The following POU2F2 variants were observed in gnomAD, a reference collection of about 807,000 sequenced individuals.
The protein encoded by POU2F2 is POU domain, class 2, transcription factor 2.
Under a neutral mutation model 63.5 loss-of-function variants are expected in POU2F2, and 14 were observed. That is an observed-to-expected ratio of 0.22 (90% confidence interval 0.15 to 0.34). The LOEUF (loss-of-function observed/expected upper bound fraction) is 0.34. POU2F2 is among the 10% of genes least tolerant of loss of function. The pLI, the probability that POU2F2 is intolerant of heterozygous loss-of-function variation, is 1.00. For missense variants in POU2F2, 607 were observed against 815.2 expected, an observed-to-expected ratio of 0.74 and a Z score of 3.11; for synonymous variants, 306 against 348.6, an observed-to-expected ratio of 0.88 and a Z score of 1.36.
At chr19:42,159,916 G>A (rs1186514673) in intron 2 of POU2F2, among the ~76,000 whole-genome samples, 1 of 152,146 alleles carries the variant, frequency 6.6e-6, no homozygotes, top group Non-Finnish European at 1.5e-5. Context: ...TTGCTCTCAG[G>A]ATGGCACTTA....
chr19:42,127,340 A>G (rs2033297460), intron 1 of POU2F2, among the ~76,000 whole-genome samples: 3 of 146,792 alleles, frequency 2.0e-5, no homozygotes, highest in African/African-American at 7.6e-5. Flanking sequence ...CCACCTGGCG[A>G]CCCCCGGACT....
chr19:42,184,731 C>T (rs888470004), intron 1 of POU2F2, among the ~76,000 whole-genome samples: 2 of 152,140 alleles, frequency 1.3e-5, no homozygotes, highest in Admixed American at 6.5e-5. Context: ...TTTCAAAATC[C>T]TCTTGGCATC....
At chr19:42,159,579 C>A (rs968072882) in intron 2 of POU2F2, among the ~76,000 whole-genome samples, 1 of 152,168 alleles carries the variant, frequency 6.6e-6, no homozygotes, top group African/African-American at 2.4e-5. Flanking sequence ...AGGGCCTCAC[C>A]AAGCAAGCTG....
intron 4 of POU2F2, among the ~76,000 whole-genome samples, chr19:42,121,709 C>T (rs1013081455): frequency 1.3e-5 from 2 of 152,204 alleles, no homozygotes; most frequent in Non-Finnish European, 2.9e-5. Context: ...TGCCTGGCTG[C>T]TTCCGGCCTC....
chr19:42,168,094 A>G (rs1486918856), intron 1 of POU2F2, among the ~76,000 whole-genome samples: 6 of 152,204 alleles, frequency 3.9e-5, no homozygotes, highest in African/African-American at 1.4e-4. Flanking sequence ...GCAGTGGCCA[A>G]GATATGGGGC....
chr19:42,165,663 G>A (rs552123512), intron 1 of POU2F2, among the ~76,000 whole-genome samples: 1 of 152,314 alleles, frequency 6.6e-6, no homozygotes, highest in South Asian at 2.1e-4. Context: ...ACCTCTCTGA[G>A]CCTCAGTTTG....
rs116240897 is a variant in POU2F2, at chr19:42,189,723, G to T, written c.-70+6660C>A. Among the ~76,000 whole-genome samples the T allele has an allele frequency of 3.9e-3, 597 of 152,076 alleles. 21 individuals carry two copies. Among genetic ancestry groups the T allele is most frequent in the Admixed American group, 0.034 (523 of 15,254 alleles). On this transcript the variant is annotated intron_variant, in intron 1 of 5. Coordinates refer to the POU2F2 transcript ENST00000532176. ...GGAAGGTAGAGGTTTTTTTGAGTGCGGCGGGGGGAGTTTGTTTTGTTTCTT... is the reference window on the plus strand; with the variant it reads ...GGAAGGTAGAGGTTTTTTTGAGTGCTGCGGGGGGAGTTTGTTTTGTTTCTT...
chr19:42,100,895 C>T (rs571820878), intron 5 of POU2F2, among the ~76,000 whole-genome samples: 6 of 152,118 alleles, frequency 3.9e-5, no homozygotes, highest in African/African-American at 9.6e-5. Flanking sequence ...GTCAGGAGAT[C>T]GAGACCATCC....
chr19:42,096,324 G>A lies in POU2F2; in HGVS notation c.568-81C>T, dbSNP rs1227958017. The stretch of plus-strand genomic sequence containing the variant: ...GCGATGGGTGCACAGTCCCCCTCCC[G>A]CCCTCTTCGCCCCTGCGTTCCATCC... On this transcript the variant is annotated intron_variant, in intron 7 of 14. Coordinates refer to ENST00000692977, the MANE Select transcript of POU2F2 (RefSeq NM_001394376.1). This position sits in a 1 kb window ranked among gnomAD's most constrained non-coding sequence, Gnocchi z 4.1. 6 of 1,349,736 alleles carry A rather than the reference G, an allele frequency of 4.4e-6. No individual in the cohort carries two copies. Among genetic ancestry groups the A allele is most frequent in the South Asian group, 4.4e-5 (3 of 67,576 alleles). 83.6% of individuals were successfully genotyped at this position (1,349,736 alleles called of 1,614,324 possible).
chr19:42,159,299 C>T (rs1208239623), intron 2 of POU2F2, among the ~76,000 whole-genome samples: 3 of 152,074 alleles, frequency 2.0e-5, no homozygotes, highest in Admixed American at 1.3e-4. Context: ...AAAAGCAGTC[C>T]CCCACCCCAT....
chr19:42,163,529 T>C (rs2034592281), intron 1 of POU2F2, among the ~76,000 whole-genome samples: 1 of 151,580 alleles, frequency 6.6e-6, no homozygotes, highest in African/African-American at 2.4e-5. Context: ...TGGAAGAGGG[T>C]GGTCTCCTCC....
chr19:42,123,603 A>G (rs1056165730), intron 1 of POU2F2, among the ~76,000 whole-genome samples: 1 of 152,166 alleles, frequency 6.6e-6, no homozygotes, highest in African/African-American at 2.4e-5. Context: ...AAGACAGCAG[A>G]TGTGCCCTGA....
chr19:42,091,682 T>G (rs1373751600), intron 14 of POU2F2, 91 bp from the exon 15 acceptor site: 1 of 1,550,602 alleles, frequency 6.4e-7, no homozygotes. Context: ...GCCCCCCATC[T>G]CCCCATCGGT....
At chr19:42,187,568 C>T (rs1273285833) in intron 1 of POU2F2, among the ~76,000 whole-genome samples, 8 of 151,550 alleles carry the variant, frequency 5.3e-5, no homozygotes, top group Non-Finnish European at 5.9e-5. Flanking sequence ...TTGAGATCAG[C>T]CTGGCAAACA....
At position 42,169,171 on chromosome 19, in the gene POU2F2, GT is replaced by G. The variant is rs1027665616; in HGVS notation, c.-70+6791del. ...GGGGGATGAGGCTAGCCTGGGGGGT[GT>G]TTGTGTGCTATAACTCAGGGCATGG... On this transcript the variant is annotated intron_variant, in intron 1 of 6. Coordinates refer to the POU2F2 transcript ENST00000524801. The surrounding 1 kb of genome is among the most constrained non-coding windows in gnomAD (Gnocchi z 4.3). Among the ~76,000 whole-genome samples the G allele has an allele frequency of 1.3e-5, 2 of 152,234 alleles. No homozygotes were observed. Among genetic ancestry groups the G allele is most frequent in the African/African-American group, 4.8e-5 (2 of 41,464 alleles).
upstream of POU2F2, among the ~76,000 whole-genome samples, chr19:42,135,646 T>C (rs2033992298): frequency 1.3e-5 from 2 of 151,854 alleles, no homozygotes; most frequent in African/African-American, 4.8e-5. Flanking sequence ...GGCTCAAGCC[T>C]ATTTCCCCTT....
chr19:42,103,075 T>C (rs574481339), intron 5 of POU2F2, among the ~76,000 whole-genome samples: 3 of 152,114 alleles, frequency 2.0e-5, no homozygotes, highest in South Asian at 4.2e-4. Context: ...TCAGGGCCTT[T>C]ATACATGCCG....
intron 1 of POU2F2, among the ~76,000 whole-genome samples, chr19:42,186,946 G>C (rs931282921): frequency 3.3e-5 from 5 of 152,150 alleles, no homozygotes; most frequent in African/African-American, 1.2e-4. Flanking sequence ...GTGCCTATGA[G>C]ACATGTCCTG....
chr19:42,149,136 C>T (rs774787789), intron 2 of POU2F2, among the ~76,000 whole-genome samples: 5 of 152,100 alleles, frequency 3.3e-5, no homozygotes, highest in Non-Finnish European at 5.9e-5. Flanking sequence ...CAGGGGAGGC[C>T]GTAAACACCC....
Sources: allele counts gnomAD v4.1 joint callset (sites outside exome capture counted in the v4.1 genomes callset), GRCh38; gene constraint gnomAD v4.1.1; non-coding constraint Gnocchi (gnomAD v3.1); transcripts MANE v1.5; gene names NCBI Gene and HGNC (gene_info 2026-07-23, HGNC 2026-07-21).